ADAP1: variants seen among roughly 807,000 people sequenced by gnomAD.
ADAP1 encodes the protein arf-GAP with dual PH domain-containing protein 1.
A neutral mutation model predicts 54.9 loss-of-function variants in ADAP1; 31 were observed. The observed-to-expected ratio is 0.56, with a 90% CI of 0.42 to 0.76. ADAP1 has a LOEUF of 0.76. Among genes scored for constraint, ADAP1 ranks in the 30% least tolerant of loss-of-function variants. The probability of loss-of-function intolerance (pLI) is 0.00; values close to 1 mark genes in which losing one functional copy is unlikely to be tolerated. For missense variants in ADAP1, 535 were observed against 512.4 expected (o/e 1.04, Z -0.42); for synonymous variants, 313 against 202.6 (o/e 1.55, Z -4.63).
At chr7:902,002 C>T (rs1249849049) in intron 6 of ADAP1, among the ~76,000 whole-genome samples, 1 of 152,104 alleles carries the variant, frequency 6.6e-6, no homozygotes, top group Non-Finnish European at 1.5e-5. Flanking sequence ...GCCTGGTGCA[C>T]TCCACGCTGG....
chr7:899,948 G>A (rs57738878), intron 8 of ADAP1, among the ~76,000 whole-genome samples, 154 bp downstream of exon 8: 3,429 of 152,290 alleles, frequency 0.023, 59 homozygotes, highest in East Asian at 0.055. Flanking sequence ...CCGAGTCCTC[G>A]GGGACCCCGG....
chr7:901,066 T>A lies in ADAP1; in HGVS notation c.649-450A>T, dbSNP rs573088644. ...GTGGGAGAAGGGAGGCTCATCTGTT[T>A]ATAAACGCCCTTGGAGCTGTGGCCC... On this transcript the variant is annotated intron_variant, in intron 6 of 10. Coordinates refer to ENST00000265846, the MANE Select transcript of ADAP1 (RefSeq NM_006869.4). The A allele has an allele frequency of 3.2e-5, 15 of 470,718 alleles. No individual in the cohort carries two copies. In the East Asian group the frequency reaches 9.0e-4, roughly 28 times the overall value. 29.2% of individuals were successfully genotyped at this position (470,718 alleles called of 1,614,324 possible). A position where few individuals can be genotyped will look rare whatever the true frequency, so the allele number is the denominator to read the frequency against.
intron 1 of ADAP1, among the ~76,000 whole-genome samples, chr7:937,232 G>A (rs1328550249): frequency 1.4e-3 from 56 of 39,222 alleles, no homozygotes; most frequent in African/African-American, 5.0e-3. Context: ...GTCACGCCCG[G>A]CCTCTGGGAT....
chr7:913,336 G>C (rs1845800733), intron 4 of ADAP1, among the ~76,000 whole-genome samples: 1 of 151,870 alleles, frequency 6.6e-6, no homozygotes, highest in African/African-American at 2.4e-5. Flanking sequence ...AAGTAGCTGG[G>C]ACTACAGGCG....
chr7:948,917 G>A (rs1393874462), intron 1 of ADAP1, among the ~76,000 whole-genome samples: 1 of 152,148 alleles, frequency 6.6e-6, no homozygotes, highest in Non-Finnish European at 1.5e-5. Context: ...GGATGGTCCT[G>A]ATCTCCTGAC....
intron 4 of ADAP1, 121 bp from the exon 5 acceptor site, chr7:905,293 ACGGACAGGGGGAGACG>A: frequency 3.8e-6 from 1 of 265,612 alleles, no homozygotes; most frequent in Non-Finnish European, 6.6e-6. Context: ...GACGGGGGAC[ACGGACAGGGGGAGACG>A]GACGGGGAGA....
intron 2 of ADAP1, among the ~76,000 whole-genome samples, chr7:928,637 C>T (rs888285555): frequency 4.6e-5 from 7 of 152,312 alleles, no homozygotes; most frequent in Non-Finnish European, 8.8e-5. Flanking sequence ...GTCAGGGGAA[C>T]GCAGATGAAA....
chr7:932,271 C>T (rs774595619), intron 2 of ADAP1, among the ~76,000 whole-genome samples: 1 of 152,118 alleles, frequency 6.6e-6, no homozygotes, highest in Non-Finnish European at 1.5e-5. Context: ...CCCAGCCTTC[C>T]TCTCCAGCCT....
intron 4 of ADAP1, among the ~76,000 whole-genome samples, chr7:906,838 G>A (rs970129808): frequency 2.0e-5 from 3 of 150,262 alleles, no homozygotes; most frequent in Admixed American, 6.6e-5. Flanking sequence ...GATGGTGGAT[G>A]GTTGGTGAGG....
chr7:928,923 A>G lies in ADAP1; in HGVS notation c.214-2279T>C, dbSNP rs556853749. On this transcript the variant is annotated intron_variant, in intron 2 of 10. Coordinates refer to ENST00000265846, the MANE Select transcript of ADAP1 (RefSeq NM_006869.4). Reference sequence around the variant, plus strand: ...CTTCGTGACAGCTGAGAACGGGAACAAGCCCCAGCTCCGTGAACGGAACCA... The same window carrying G: ...CTTCGTGACAGCTGAGAACGGGAACGAGCCCCAGCTCCGTGAACGGAACCA... Among the ~76,000 whole-genome samples, 131 of 152,384 alleles carry G rather than the reference A, an allele frequency of 8.6e-4. 4 individuals carry two copies. In the South Asian group the frequency reaches 0.02, roughly 24 times the overall value.
At position 920,313 on chromosome 7, in the gene ADAP1, C is replaced by G. The variant is rs1846138775; in HGVS notation, c.306-263G>C. ...GGCCTCACGTTCTGCACAAGCGTTC[C>G]CGGTGGACGGGCTGGTGCCTCCCCT... On this transcript the variant is annotated intron_variant, in intron 3 of 10. Transcript: ENST00000265846. This position sits in a 1 kb window ranked among gnomAD's most constrained non-coding sequence, Gnocchi z 4.5. 6.6e-6 allele frequency among the ~76,000 whole-genome samples: 1 copy of G among 152,120 alleles called. No individual in the cohort carries two copies. Among genetic ancestry groups the G allele is most frequent in the South Asian group, 2.1e-4 (1 of 4,836 alleles).
rs971652922 is a variant in ADAP1, at chr7:938,122, G to C, written c.83-2617C>G. Among the ~76,000 whole-genome samples the C allele has an allele frequency of 1.3e-5, 2 of 152,184 alleles. No homozygotes were observed. The highest frequency in any genetic ancestry group is 2.4e-5 in the African/African-American group (1 of 41,434). On this transcript the variant is annotated intron_variant, in intron 1 of 10. Coordinates refer to ENST00000265846, the MANE Select transcript of ADAP1 (RefSeq NM_006869.4). The surrounding 1 kb of genome is among the most constrained non-coding windows in gnomAD (Gnocchi z 4.4). The stretch of plus-strand genomic sequence containing the variant: ...TAGGGCGGCTTTTGGGAGAAAGAAT[G>C]CGGTTACAGGATCAGCCGTTGTTTG...
intron 2 of ADAP1, chr7:935,097 G>A (rs1489263857): frequency 3.5e-6 from 2 of 578,126 alleles, no homozygotes; most frequent in East Asian, 8.2e-5. Context: ...GGAGCTCCCA[G>A]GGCACGGGAA....
At chr7:913,157 A>G (rs1057165526) in intron 4 of ADAP1, among the ~76,000 whole-genome samples, 14 of 149,300 alleles carry the variant, frequency 9.4e-5, no homozygotes, top group Admixed American at 2.7e-4. Flanking sequence ...TTTTGTATTA[A>G]CTGGAATTCG....
intron 1 of ADAP1, among the ~76,000 whole-genome samples, chr7:936,191 C>A (rs181993755): frequency 2.0e-5 from 3 of 151,712 alleles, no homozygotes; most frequent in South Asian, 2.1e-4. Flanking sequence ...GTAATCCCAG[C>A]GCTTTGGGAG....
At position 900,620 on chromosome 7, in the gene ADAP1, G is replaced by GGTGCAAAGGC; in HGVS notation, c.649-5_649-4insGCCTTTGCAC. 1 of 1,515,818 alleles carries GGTGCAAAGGC rather than the reference G, an allele frequency of 6.6e-7. No individual in the cohort carries two copies. Among genetic ancestry groups the GGTGCAAAGGC allele is most frequent in the Non-Finnish European group, 8.9e-7 (1 of 1,124,754 alleles). 93.9% of individuals were successfully genotyped at this position (1,515,818 alleles called of 1,614,324 possible). On this transcript the variant is annotated splice_polypyrimidine_tract_variant and splice_region_variant and intron_variant, in intron 6 of 10. Coordinates refer to ENST00000265846, the MANE Select transcript of ADAP1 (RefSeq NM_006869.4). ...CATTGAACCAGTCCACAATCTCCTA[G>GGTGCAAAGGC]GGGCAAAGGTGGGCACAGGCTTGGG... is the stretch of plus-strand genomic sequence containing the variant.
chr7:936,731 T>C (rs1846771756), intron 1 of ADAP1, among the ~76,000 whole-genome samples: 1 of 152,194 alleles, frequency 6.6e-6, no homozygotes, highest in South Asian at 2.1e-4. Context: ...TCTGAACTGC[T>C]TTTATTTTTA....
At chr7:906,931 C>G (rs1264680832) in intron 4 of ADAP1, among the ~76,000 whole-genome samples, 2 of 152,062 alleles carry the variant, frequency 1.3e-5, no homozygotes, top group Non-Finnish European at 2.9e-5. Context: ...GGGACTCCAG[C>G]TGTCCTTTAC....
At chr7:936,574 C>T (rs1429056310) in intron 1 of ADAP1, among the ~76,000 whole-genome samples, 1 of 152,228 alleles carries the variant, frequency 6.6e-6, no homozygotes, top group African/African-American at 2.4e-5. Context: ...AGCGTCCAGC[C>T]CCGCCCTGGG....
Sources: gnomAD v4.1 joint callset for allele counts (sites outside exome capture counted in the v4.1 genomes callset) on GRCh38, gnomAD v4.1.1 for gene constraint, Gnocchi (gnomAD v3.1) non-coding constraint, MANE v1.5 for transcripts, NCBI Gene and HGNC (gene_info 2026-07-23, HGNC 2026-07-21) for gene names.